SYCE2: variants seen among roughly 807,000 people sequenced by gnomAD.
The protein encoded by SYCE2 is synaptonemal complex central element protein 2.
A neutral mutation model predicts 27.9 loss-of-function variants in SYCE2; 3 were observed. The observed-to-expected ratio is 0.11, with a 90% CI of 0.05 to 0.28. The LOEUF is 0.28. Ranked by LOEUF, SYCE2 falls within the 10% of genes least tolerant of loss-of-function variation. SYCE2 has a pLI of 1.00. For missense variants in SYCE2, 207 were observed against 263.5 expected, an observed-to-expected ratio of 0.79 and a Z score of 1.48; for synonymous variants, 85 against 100.7, an observed-to-expected ratio of 0.84 and a Z score of 0.93.
intron 2 of SYCE2, among the ~76,000 whole-genome samples, chr19:12,911,898 G>T (rs973823814): frequency 1.3e-5 from 2 of 151,642 alleles, no homozygotes; most frequent in Non-Finnish European, 2.9e-5. Flanking sequence ...GATTACAGGC[G>T]TGAGCCACCG....
intron 5 of SYCE2, 138 bp downstream of exon 5, chr19:12,899,866 C>T: frequency 1.3e-6 from 2 of 1,590,882 alleles, no homozygotes; most frequent in Non-Finnish European, 1.7e-6. Context: ...CCCCCTCACA[C>T]TGAGTTCACA....
Position 12,911,636 on chromosome 19 carries a change from T to TTTTA in SYCE2, c.131+6585_131+6586insTAAA, listed in dbSNP as rs1555754622. 4.0e-5 allele frequency among the ~76,000 whole-genome samples: 6 copies of TTTTA among 148,824 alleles called. No individual in the cohort carries two copies. The East Asian group carries it at 5.9e-4, about 15-fold the overall frequency. On this transcript the variant is annotated intron_variant, in intron 2 of 5. Coordinates refer to ENST00000293695, the MANE Select transcript of SYCE2 (RefSeq NM_001105578.2). ...TTGCCTTTTTTTTTTTTTTTTTTTT[T>TTTTA]AGACGAGGTCTCGCTCAGCTGCCCA... is the stretch of plus-strand genomic sequence containing the variant.
Position 12,899,237 on chromosome 19 carries a change from T to G in SYCE2, c.*104A>C. ...GGGTTTTTGTTTTTTTCTGCCAAGA[T>G]GCATTATAGAACCATGAAAAACAAT... is the stretch of plus-strand genomic sequence containing the variant. On this transcript the variant is annotated 3_prime_UTR_variant, in exon 6 of 6. Coordinates refer to ENST00000293695, the MANE Select transcript of SYCE2 (RefSeq NM_001105578.2). The G allele has an allele frequency of 9.4e-7, 1 of 1,059,242 alleles. No homozygotes were observed. Among genetic ancestry groups the G allele is most frequent in the Non-Finnish European group, 1.4e-6 (1 of 691,042 alleles). 65.6% of individuals were successfully genotyped at this position (1,059,242 alleles called of 1,614,324 possible). A position where few individuals can be genotyped will look rare whatever the true frequency, so the allele number is the denominator to read the frequency against.
At chr19:12,919,214 C>T (rs532617590) in intron 1 of SYCE2, 29 bp downstream of exon 1, 2 of 1,610,182 alleles carry the variant, frequency 1.2e-6, no homozygotes, top group Admixed American at 3.3e-5. Context: ...GCCCGCCCCA[C>T]GCGCGAGAAG....
intron 3 of SYCE2, among the ~76,000 whole-genome samples, chr19:12,902,434 C>T (rs1370180874): frequency 6.6e-6 from 1 of 152,016 alleles, no homozygotes; most frequent in African/African-American, 2.4e-5. Context: ...TCAAGACCAG[C>T]CTGGGTAACA....
rs1464032924 is a variant in SYCE2 at position 12,899,193 on chromosome 19, G to A, written c.*148C>T. 4.2e-6 allele frequency: 3 copies of A among 722,236 alleles called. No homozygotes were observed. The highest frequency in any genetic ancestry group is 7.0e-6 in the Non-Finnish European group (3 of 428,588). 44.7% of individuals were successfully genotyped at this position (722,236 alleles called of 1,614,324 possible). A position where few individuals can be genotyped will look rare whatever the true frequency, so the allele number is the denominator to read the frequency against. On this transcript the variant is annotated 3_prime_UTR_variant, in exon 6 of 6. Transcript: ENST00000293695. ...GGGCTGGACTTGCTACATTTTGGGA[G>A]TTCAGCACAAGGAGCTTTGGGTTTT... is the stretch of plus-strand genomic sequence containing the variant.
Position 12,904,990 on chromosome 19 carries a change from C to T in SYCE2, c.132-324G>A, listed in dbSNP as rs538523755. Among the ~76,000 whole-genome samples, 9 of 149,328 alleles carry T rather than the reference C, an allele frequency of 6.0e-5. No homozygotes were observed. The South Asian group carries it at 1.5e-3, about 25-fold the overall frequency. Reference sequence around the variant, plus strand: ...CTGTACTCCAGCCTGGGTGACAGAGCGAGACTCCGTCTAAAAAAAAAAAAA... The same window carrying T: ...CTGTACTCCAGCCTGGGTGACAGAGTGAGACTCCGTCTAAAAAAAAAAAAA... On this transcript the variant is annotated intron_variant, in intron 2 of 5. Coordinates refer to ENST00000293695, the MANE Select transcript of SYCE2 (RefSeq NM_001105578.2).
At chr19:12,902,668 G>A (rs1338941609) in intron 3 of SYCE2, among the ~76,000 whole-genome samples, 1 of 151,876 alleles carries the variant, frequency 6.6e-6, no homozygotes, top group Non-Finnish European at 1.5e-5. Flanking sequence ...AAACAAGTGA[G>A]CCGGGCATGA....
intron 2 of SYCE2, among the ~76,000 whole-genome samples, chr19:12,908,367 G>A (rs916138385): frequency 1.4e-5 from 2 of 146,710 alleles, no homozygotes; most frequent in East Asian, 2.1e-4. Context: ...CTCTGTCACC[G>A]AGGCTGGAGT....
chr19:12,915,478 TGTA>T (rs1971120702), intron 2 of SYCE2, among the ~76,000 whole-genome samples: 1 of 151,768 alleles, frequency 6.6e-6, no homozygotes. Flanking sequence ...GGCACATGCT[TGTA>T]GTCCCAGCTA....
At chr19:12,909,542 CTTCT>C (rs563385387) in intron 2 of SYCE2, among the ~76,000 whole-genome samples, 157 of 152,104 alleles carry the variant, frequency 1.0e-3, no homozygotes, top group African/African-American at 3.6e-3. Context: ...TCATTTCTAC[CTTCT>C]TTGTTTTTTT....
At chr19:12,915,673 C>G (rs1396018689) in intron 2 of SYCE2, among the ~76,000 whole-genome samples, 1 of 151,820 alleles carries the variant, frequency 6.6e-6, no homozygotes, top group East Asian at 1.9e-4. Context: ...GAAAAAACCT[C>G]TAGGATAAAG....
rs1180386634 is a variant in SYCE2, at chr19:12,900,063, G to A, written c.553C>T (p.Pro185Ser). ...DHSRGKSPPRPGNSQPPDVFV... is the reference protein window; with the variant it reads ...DHSRGKSPPRSGNSQPPDVFV... ...ACGTCTGGGGGCTGTGAGTTGCCGG[G>A]ACGTGGTGGGGACTTTCCCCTAGAG... Residue 185 changes from proline (P) to serine (S), a missense_variant, in exon 5 of 6, where the codon CCC (proline) becomes TCC (serine). Transcript: ENST00000293695. 1.9e-6 allele frequency: 3 copies of A among 1,613,598 alleles called. No individual in the cohort carries two copies. Among genetic ancestry groups the A allele is most frequent in the Non-Finnish European group, 2.5e-6 (3 of 1,179,996 alleles).
chr19:12,916,469 G>C (rs960392723), intron 2 of SYCE2, among the ~76,000 whole-genome samples: 5 of 152,176 alleles, frequency 3.3e-5, no homozygotes, highest in Admixed American at 6.6e-5. Flanking sequence ...TTTGGGCCCA[G>C]AATGCCTCCT....
At chr19:12,900,771 C>T (rs528135359) in intron 3 of SYCE2, 123 bp from the exon 4 acceptor site, 36 of 976,906 alleles carry the variant, frequency 3.7e-5, no homozygotes, top group Admixed American at 2.1e-4. Flanking sequence ...AGGCTGGGCA[C>T]GGTGGCTCAT....
In SYCE2 at chr19:12,916,986, G is replaced by C. The variant is rs933564619; in HGVS notation, c.131+1236C>G. 2.0e-5 allele frequency among the ~76,000 whole-genome samples: 3 copies of C among 151,768 alleles called. No individual in the cohort carries two copies. In the South Asian group the frequency reaches 6.2e-4, roughly 31 times the overall value. ...GCTGGTCTCGAAATCCTGACCTCAA[G>C]TTATCTGCCAGCGCCAGCCTCCCAA... On this transcript the variant is annotated intron_variant, in intron 2 of 5. Coordinates refer to ENST00000293695, the MANE Select transcript of SYCE2 (RefSeq NM_001105578.2).
At chr19:12,913,664 G>A (rs1234642015) in intron 2 of SYCE2, among the ~76,000 whole-genome samples, 1 of 152,098 alleles carries the variant, frequency 6.6e-6, no homozygotes, top group Non-Finnish European at 1.5e-5. Context: ...CTATTAACTG[G>A]CCCCTGCACT....
chr19:12,908,047 G>A (rs982973529), intron 2 of SYCE2, among the ~76,000 whole-genome samples: 1 of 151,880 alleles, frequency 6.6e-6, no homozygotes, highest in Non-Finnish European at 1.5e-5. Context: ...GGGAGGTCAA[G>A]GCTGCAGTAA....
In SYCE2 at chr19:12,904,603, T is replaced by C; in HGVS notation, c.195A>G (p.Ser65=). The change falls in exon 3 of 6, where the codon TCA becomes TCG. Residue 65 remains serine (S), a synonymous_variant. Coordinates refer to ENST00000293695, the MANE Select transcript of SYCE2 (RefSeq NM_001105578.2). ...CTCTCTTCTGCAGGATGTCAATGCTTGAGTCCAGAGAGGAGAAGTAGAGTC... is the reference window on the plus strand; with the variant it reads ...CTCTCTTCTGCAGGATGTCAATGCTCGAGTCCAGAGAGGAGAAGTAGAGTC... The part of the protein sequence containing the change: ...KSGLYFSSLD[S]SIDILQKRAQ... 6.2e-7 allele frequency: 1 copy of C among 1,614,108 alleles called. No individual in the cohort carries two copies. The highest frequency in any genetic ancestry group is 8.5e-7 in the Non-Finnish European group (1 of 1,180,020).
Sources: gnomAD v4.1 joint callset for allele counts (sites outside exome capture counted in the v4.1 genomes callset) on GRCh38, gnomAD v4.1.1 for gene constraint, MANE v1.5 for transcripts, NCBI Gene and HGNC (gene_info 2026-07-23, HGNC 2026-07-21) for gene names.